Variants in THADA observed in about 807,000 individuals in gnomAD.
THADA encodes THADA armadillo repeat containing.
Under a neutral mutation model 219.8 loss-of-function variants are expected in THADA, and 213 were observed. The observed-to-expected ratio is 0.97, with a 90% CI of 0.87 to 1.09. The LOEUF is 1.09. Ranked by LOEUF, THADA falls within the 50% of genes least tolerant of loss-of-function variation. The pLI, the probability that THADA is intolerant of heterozygous loss-of-function variation, is 0.00. For synonymous variants in THADA, 1,018 were observed against 828.9 expected (o/e 1.23, Z -3.92); for missense variants, 2,956 against 2,311.3 (o/e 1.28, Z -5.72).
intron 26 of THADA, among the ~76,000 whole-genome samples, chr2:43,475,368 A>C (rs1685395506): frequency 6.7e-6 from 1 of 150,080 alleles, no homozygotes; most frequent in South Asian, 2.1e-4. Context: ...GCAGTGAGCC[A>C]AGGTTGTGCC....
chr2:43,241,248 C>A (rs976382803), intron 36 of THADA, among the ~76,000 whole-genome samples: 4 of 151,850 alleles, frequency 2.6e-5, no homozygotes, highest in Non-Finnish European at 5.9e-5. Context: ...ACTACCATGT[C>A]CCCCCTAATT....
intron 8 of THADA, among the ~76,000 whole-genome samples, chr2:43,579,977 A>G (rs1700238564): frequency 6.6e-6 from 1 of 152,028 alleles, no homozygotes; most frequent in African/African-American, 2.4e-5. Context: ...GCTGGAAAAG[A>G]ATAGTACTGA....
chr2:43,264,236 C>G (rs1319895037), intron 36 of THADA, among the ~76,000 whole-genome samples: 1 of 151,910 alleles, frequency 6.6e-6, no homozygotes, highest in African/African-American at 2.4e-5. Context: ...TTTCCCTGCC[C>G]CTACATGTGA....
At chr2:43,548,034 T>G (rs559917298) in intron 20 of THADA, among the ~76,000 whole-genome samples, 4 of 152,284 alleles carry the variant, frequency 2.6e-5, no homozygotes, top group African/African-American at 7.2e-5. Context: ...GATGTACAGA[T>G]GGGTTTTTGG....
At chr2:43,390,667 T>C (rs1401472568) in intron 29 of THADA, among the ~76,000 whole-genome samples, 1 of 152,200 alleles carries the variant, frequency 6.6e-6, no homozygotes, top group African/African-American at 2.4e-5. Context: ...TGATATGTTT[T>C]ATTGAATGTT....
chr2:43,556,868 C>G (rs145418254), intron 16 of THADA, among the ~76,000 whole-genome samples: 2 of 152,126 alleles, frequency 1.3e-5, no homozygotes, highest in Admixed American at 6.5e-5. Flanking sequence ...AGTCTTGAGA[C>G]CAGCCTGGGC....
intron 11 of THADA, among the ~76,000 whole-genome samples, chr2:43,573,415 T>A (rs1436303327): frequency 1.3e-5 from 2 of 152,208 alleles, no homozygotes; most frequent in African/African-American, 4.8e-5. Flanking sequence ...TAGTAAAGAT[T>A]AAAAAAGGAA....
intron 35 of THADA, among the ~76,000 whole-genome samples, chr2:43,285,792 C>T (rs1239689814): frequency 2.0e-5 from 3 of 152,112 alleles, no homozygotes; most frequent in Non-Finnish European, 2.9e-5. Context: ...CTTAGGTGAT[C>T]CACCCGCCTC....
intron 26 of THADA, among the ~76,000 whole-genome samples, chr2:43,479,455 G>C (rs1167631790): frequency 6.6e-6 from 1 of 152,036 alleles, no homozygotes. Flanking sequence ...ATGGTTATTA[G>C]TATCATTTTA....
intron 26 of THADA, among the ~76,000 whole-genome samples, chr2:43,432,705 C>G (rs1679526394): frequency 2.6e-5 from 4 of 152,060 alleles, no homozygotes; most frequent in Non-Finnish European, 4.4e-5. Context: ...TTTTTCCTTC[C>G]TTTGTAGCCA....
intron 36 of THADA, among the ~76,000 whole-genome samples, chr2:43,261,222 T>TC (rs1670902670): frequency 8.6e-6 from 1 of 115,920 alleles, no homozygotes; most frequent in Admixed American, 7.9e-5. Flanking sequence ...ATTTCTTTTT[T>TC]TTTTTTTTTT....
intron 30 of THADA, among the ~76,000 whole-genome samples, chr2:43,335,223 G>C (rs1395931976): frequency 1.3e-5 from 2 of 152,152 alleles, no homozygotes; most frequent in African/African-American, 4.8e-5. Context: ...CTGTTCTAGA[G>C]AAGGCTTAAA....
At chr2:43,368,697 G>A (rs576080225) in intron 29 of THADA, among the ~76,000 whole-genome samples, 7 of 151,988 alleles carry the variant, frequency 4.6e-5, no homozygotes, top group Non-Finnish European at 8.8e-5. Context: ...CACTGTGCTC[G>A]GCCCACAGCA....
chr2:43,393,707 TAAAA>T (rs34360060), intron 29 of THADA, among the ~76,000 whole-genome samples: 2 of 132,818 alleles, frequency 1.5e-5, no homozygotes, highest in Non-Finnish European at 1.6e-5. Context: ...GACTCCGTCT[TAAAA>T]AAAAAAAAAA....
intron 35 of THADA, among the ~76,000 whole-genome samples, chr2:43,281,990 G>A (rs143817929): frequency 8.5e-5 from 13 of 152,076 alleles, no homozygotes; most frequent in African/African-American, 2.7e-4. Flanking sequence ...AGCTGGTCTC[G>A]AACTCCTGGG....
chr2:43,277,557 C>T (rs750255824), intron 36 of THADA, among the ~76,000 whole-genome samples: 6 of 152,240 alleles, frequency 3.9e-5, no homozygotes, highest in Non-Finnish European at 7.3e-5. Flanking sequence ...TGCTAGGAGA[C>T]GGTCTGAGAG....
At chr2:43,259,951 C>T (rs1670751301) in intron 36 of THADA, among the ~76,000 whole-genome samples, 1 of 152,154 alleles carries the variant, frequency 6.6e-6, no homozygotes, top group Non-Finnish European at 1.5e-5. Context: ...ATGATCATGC[C>T]TGTTCCTTCA....
chr2:43,569,432 A>C (rs1476144766), intron 14 of THADA, among the ~76,000 whole-genome samples: 1 of 152,234 alleles, frequency 6.6e-6, no homozygotes, highest in African/African-American at 2.4e-5. Context: ...AATTCTGCTT[A>C]TAGTTGACGA....
intron 26 of THADA, among the ~76,000 whole-genome samples, chr2:43,476,445 A>G (rs941819611): frequency 6.6e-6 from 1 of 152,194 alleles, no homozygotes; most frequent in African/African-American, 2.4e-5. Context: ...TTCAACCTCA[A>G]AAGAATCAAT....
Sources: allele counts gnomAD v4.1 joint callset (sites outside exome capture counted in the v4.1 genomes callset), GRCh38; gene constraint gnomAD v4.1.1; transcripts MANE v1.5; gene names NCBI Gene and HGNC (gene_info 2026-07-23, HGNC 2026-07-21).